ATPAF1: variants seen among roughly 807,000 people sequenced by gnomAD.
ATPAF1 encodes ATP synthase mitochondrial F1 complex assembly factor 1, also known as homolog of yeast ATP11.
ATPAF1 carries 26 observed loss-of-function variants against 43.9 expected under a neutral mutation model. The observed-to-expected ratio is 0.59, with a 90% CI of 0.43 to 0.82. The LOEUF is 0.82. ATPAF1 is among the 40% of genes least tolerant of loss of function. ATPAF1 has a pLI of 0.00. For synonymous variants in ATPAF1, 157 were observed against 168.0 expected (o/e 0.93, Z 0.50); for missense variants, 366 against 435.0 (o/e 0.84, Z 1.41).
chr1:46,633,558 G>A, downstream of ATPAF1: 1 of 384,894 alleles, frequency 2.6e-6, no homozygotes, highest in South Asian at 2.0e-5. Context: ...TAGCACCAGG[G>A]GACAAATTTA....
chr1:46,662,192 C>A (rs2148826175), intron 2 of ATPAF1, among the ~76,000 whole-genome samples: 1 of 152,290 alleles, frequency 6.6e-6, no homozygotes, highest in Non-Finnish European at 1.5e-5. Flanking sequence ...CCACGCCCGG[C>A]CTCATAAAGC....
At chr1:46,640,715 G>A (rs768721480) in intron 8 of ATPAF1, among the ~76,000 whole-genome samples, 1 of 152,152 alleles carries the variant, frequency 6.6e-6, no homozygotes, top group East Asian at 1.9e-4. Flanking sequence ...TTCTTAACTC[G>A]TGGGCGTTAT....
intron 1 of ATPAF1, among the ~76,000 whole-genome samples, chr1:46,667,590 T>A (rs1425045442): frequency 1.3e-5 from 2 of 152,162 alleles, no homozygotes; most frequent in Non-Finnish European, 2.9e-5. Flanking sequence ...TGTGACACTA[T>A]TAGTCTTTGA....
chr1:46,637,129 C>G (rs148587232), intron 8 of ATPAF1, among the ~76,000 whole-genome samples: 1 of 152,312 alleles, frequency 6.6e-6, no homozygotes, highest in African/African-American at 2.4e-5. Flanking sequence ...ATAACTAATA[C>G]ATCAGCAAAG....
intron 6 of ATPAF1, among the ~76,000 whole-genome samples, chr1:46,648,158 C>G (rs1171032486): frequency 1.3e-5 from 2 of 152,190 alleles, no homozygotes; most frequent in African/African-American, 2.4e-5. Context: ...GTCAGCTAGT[C>G]TGGAGTGCTG....
At chr1:46,659,617 A>C (rs1676348524) in intron 2 of ATPAF1, among the ~76,000 whole-genome samples, 1 of 152,180 alleles carries the variant, frequency 6.6e-6, no homozygotes, top group African/African-American at 2.4e-5. Flanking sequence ...TCTCGTAGCC[A>C]TTATCTCTCA....
At chr1:46,668,380 C>G, upstream of ATPAF1, 1 of 1,248,908 alleles carries the variant, frequency 8.0e-7, no homozygotes, top group Non-Finnish European at 1.0e-6. This position sits in a 1 kb window ranked among gnomAD's most constrained non-coding sequence, Gnocchi z 4.4. Context: ...GCGGCCCGCG[C>G]GCCCGCTCCA....
chr1:46,643,406 C>T, intron 7 of ATPAF1, 105 bp from the exon 8 acceptor site: 2 of 852,608 alleles, frequency 2.3e-6, no homozygotes, highest in Admixed American at 5.4e-5. Flanking sequence ...TTAACAGCCC[C>T]TTGGGTGGCT....
At chr1:46,658,168 T>C in exon 4 of ATPAF1, 2 of 1,610,074 alleles carry the variant, frequency 1.2e-6, no homozygotes, top group South Asian at 1.1e-5. Flanking sequence ...ACCATCTCAA[T>C]GTTAAAGATT....
chr1:46,660,582 T>G lies in ATPAF1; in HGVS notation c.376-1845A>C, dbSNP rs534341116. Among the ~76,000 whole-genome samples, 53 of 152,336 alleles carry G rather than the reference T, an allele frequency of 3.5e-4. 1 individual carries two copies. The highest frequency in any genetic ancestry group is 1.1e-3 in the African/African-American group (44 of 41,580). On this transcript the variant is annotated intron_variant, in intron 2 of 8. Transcript: ENST00000574428. ...AATAGCACAATATTTTCCTGTCATA[T>G]CAATTATAAGACAATTTTAGTGATG...
intron 8 of ATPAF1, 24 bp downstream of exon 8, chr1:46,643,166 CCAAA>C (rs754433499): frequency 6.3e-7 from 1 of 1,577,512 alleles, no homozygotes; most frequent in Admixed American, 1.7e-5. Context: ...TGAGGTAAAT[CCAAA>C]GAGTTTTGCA....
chr1:46,665,950 T>C (rs1569643956), intron 1 of ATPAF1: 4 of 1,068,584 alleles, frequency 3.7e-6, no homozygotes, highest in East Asian at 4.0e-5. Context: ...GTCTTCAGGT[T>C]TGAAGTCCAG....
intron 6 of ATPAF1, among the ~76,000 whole-genome samples, chr1:46,647,318 C>G (rs1676062427): frequency 6.6e-6 from 1 of 152,180 alleles, no homozygotes; most frequent in Non-Finnish European, 1.5e-5. Flanking sequence ...GTAAGTTCCC[C>G]CAATAAATCA....
At chr1:46,635,683 T>TATAA (rs1328320383) in exon 9 of ATPAF1, 1 of 1,275,794 alleles carries the variant, frequency 7.8e-7, no homozygotes, top group Non-Finnish European at 1.1e-6. Flanking sequence ...AACTGCTCAT[T>TATAA]ATAAATGCTG....
At chr1:46,655,001 A>G (rs629412) in intron 4 of ATPAF1, among the ~76,000 whole-genome samples, 21,326 of 152,148 alleles carry the variant, frequency 0.14, 3,830 homozygotes, top group African/African-American at 0.4. Context: ...GAAGGCGTTA[A>G]GAATCTTACA....
intron 8 of ATPAF1, among the ~76,000 whole-genome samples, chr1:46,642,819 C>T (rs1675973700): frequency 1.3e-5 from 2 of 152,160 alleles, no homozygotes; most frequent in South Asian, 4.1e-4. Flanking sequence ...TACTCAAACA[C>T]ATTAATATTT....
intron 1 of ATPAF1, among the ~76,000 whole-genome samples, chr1:46,667,062 A>C (rs1012319828): frequency 6.6e-6 from 1 of 152,178 alleles, no homozygotes; most frequent in African/African-American, 2.4e-5. Flanking sequence ...CTGGAAGGAG[A>C]GCAAAAATAC....
chr1:46,638,936 C>T (rs1040010027), intron 8 of ATPAF1, among the ~76,000 whole-genome samples: 2 of 152,172 alleles, frequency 1.3e-5, no homozygotes, highest in African/African-American at 4.8e-5. Context: ...CTATTTTATT[C>T]CCTACATATT....
At chr1:46,650,809 C>G (rs1408421787) in intron 6 of ATPAF1, among the ~76,000 whole-genome samples, 2 of 141,426 alleles carry the variant, frequency 1.4e-5, no homozygotes, top group Non-Finnish European at 3.1e-5. Context: ...ATGTTGGAAG[C>G]TAAAAAAAAA....
Sources: allele counts gnomAD v4.1 joint callset (sites outside exome capture counted in the v4.1 genomes callset), GRCh38; gene constraint gnomAD v4.1.1; non-coding constraint Gnocchi (gnomAD v3.1); transcripts MANE v1.5; gene names NCBI Gene and HGNC (gene_info 2026-07-23, HGNC 2026-07-21).